The following SCN2A variants were observed in gnomAD, a reference collection of about 807,000 sequenced individuals.
The protein encoded by SCN2A is sodium channel protein type 2 subunit alpha.
Under a neutral mutation model 188.7 loss-of-function variants are expected in SCN2A, and 20 were observed. The ratio of observed to expected loss-of-function variants is 0.11; its 90% confidence interval spans 0.07 to 0.15. The LOEUF (loss-of-function observed/expected upper bound fraction) is 0.15, where lower values mean the gene tolerates loss of function less well. Among genes scored for constraint, SCN2A ranks in the 10% least tolerant of loss-of-function variants. SCN2A has a pLI of 1.00. For missense variants in SCN2A, 1,278 were observed against 2,445.0 expected, an observed-to-expected ratio of 0.52 and a Z score of 10.07; for synonymous variants, 804 against 833.1, an observed-to-expected ratio of 0.97 and a Z score of 0.60.
intron 12 of SCN2A, among the ~76,000 whole-genome samples, chr2:165,326,307 A>T (rs979687408): frequency 3.4e-4 from 52 of 152,196 alleles, no homozygotes; most frequent in African/African-American, 1.3e-3. Flanking sequence ...AAAGTTATAG[A>T]CTAGTTCTAA....
intron 15 of SCN2A, among the ~76,000 whole-genome samples, chr2:165,343,209 C>T (rs148796650): frequency 7.2e-5 from 11 of 152,226 alleles, no homozygotes; most frequent in Non-Finnish European, 1.6e-4. Context: ...ACTAAGGACA[C>T]GTTCCTATAG....
intron 11 of SCN2A, among the ~76,000 whole-genome samples, chr2:165,317,915 G>T (rs1278996869): frequency 6.6e-6 from 1 of 151,926 alleles, no homozygotes; most frequent in Non-Finnish European, 1.5e-5. Flanking sequence ...GAGGGAAAGG[G>T]AAAGAAAGAG....
At chr2:165,320,546 C>T (rs929529487) in intron 11 of SCN2A, among the ~76,000 whole-genome samples, 1 of 152,240 alleles carries the variant, frequency 6.6e-6, no homozygotes, top group African/African-American at 2.4e-5. Flanking sequence ...CTGCAGCAAA[C>T]TTCTGCCTGT....
At chr2:165,277,173 G>A (rs932979607) in intron 1 of SCN2A, among the ~76,000 whole-genome samples, 2 of 151,734 alleles carry the variant, frequency 1.3e-5, no homozygotes, top group Non-Finnish European at 2.9e-5. Flanking sequence ...AAATATTTGG[G>A]GAATTATACA....
intron 25 of SCN2A, among the ~76,000 whole-genome samples, chr2:165,381,412 A>G (rs920297159): frequency 6.6e-6 from 1 of 151,934 alleles, no homozygotes; most frequent in Non-Finnish European, 1.5e-5. Flanking sequence ...ATGTAAACAT[A>G]TAAAATACAT....
intron 17 of SCN2A, among the ~76,000 whole-genome samples, chr2:165,364,829 G>A (rs371981839): frequency 4.6e-5 from 7 of 152,078 alleles, no homozygotes; most frequent in African/African-American, 9.7e-5. Context: ...AAGCAAGATC[G>A]CAGATGATTA....
At chr2:165,266,983 C>T (rs1216998148) in intron 1 of SCN2A, 1 of 151,890 alleles carries the variant, frequency 6.6e-6, no homozygotes, top group Admixed American at 6.6e-5. Context: ...AACTATAAAA[C>T]ATGGATTAAA....
intron 23 of SCN2A, among the ~76,000 whole-genome samples, chr2:165,380,275 G>A (rs2105383928): frequency 6.6e-6 from 1 of 151,882 alleles, no homozygotes; most frequent in Non-Finnish European, 1.5e-5. Flanking sequence ...TGTAAGAAGA[G>A]GAAATCTTTA....
At chr2:165,325,134 G>A (rs999276040) in intron 12 of SCN2A, among the ~76,000 whole-genome samples, 9 of 152,236 alleles carry the variant, frequency 5.9e-5, no homozygotes, top group Admixed American at 1.3e-4. Context: ...GTAAACAAAA[G>A]CAAATCTACA....
intron 3 of SCN2A, among the ~76,000 whole-genome samples, chr2:165,303,682 CTT>C (rs952741882): frequency 2.0e-5 from 3 of 152,064 alleles, no homozygotes; most frequent in African/African-American, 7.2e-5. Flanking sequence ...GATTTAGAAA[CTT>C]AGTGAATTTT....
At chr2:165,341,478 G>T (rs1057048538) in intron 14 of SCN2A, among the ~76,000 whole-genome samples, 3 of 152,208 alleles carry the variant, frequency 2.0e-5, no homozygotes, top group African/African-American at 7.2e-5. Context: ...TAGTAGAAAT[G>T]TTGGTTAATT....
intron 17 of SCN2A, among the ~76,000 whole-genome samples, chr2:165,356,869 AT>A (rs1421646096): frequency 6.6e-6 from 1 of 152,026 alleles, no homozygotes; most frequent in African/African-American, 2.4e-5. Context: ...AAGCTTTTTG[AT>A]TTGTTTTCCC....
intron 16 of SCN2A, among the ~76,000 whole-genome samples, chr2:165,347,584 A>C (rs892361215): frequency 3.9e-5 from 6 of 152,180 alleles, no homozygotes; most frequent in African/African-American, 1.4e-4. Flanking sequence ...CAAAACTTAG[A>C]GTATAATAAT....
intron 3 of SCN2A, among the ~76,000 whole-genome samples, chr2:165,306,913 T>A (rs1393495202): frequency 1.3e-5 from 2 of 152,178 alleles, no homozygotes; most frequent in Non-Finnish European, 2.9e-5. Flanking sequence ...CCACTTTACA[T>A]AATGGCAACT....
intron 17 of SCN2A, among the ~76,000 whole-genome samples, chr2:165,355,197 C>T (rs1700119379): frequency 2.0e-5 from 3 of 152,124 alleles, no homozygotes; most frequent in Non-Finnish European, 4.4e-5. Context: ...TTTATCTTTC[C>T]TGAAGTCAGT....
intron 17 of SCN2A, among the ~76,000 whole-genome samples, chr2:165,359,705 A>C (rs1480540858): frequency 2.0e-5 from 3 of 151,990 alleles, no homozygotes; most frequent in Non-Finnish European, 4.4e-5. Flanking sequence ...TATCCTGGAG[A>C]ATGTGTAGTC....
At chr2:165,372,598 A>T (rs1488438399) in intron 20 of SCN2A, 2 of 152,164 alleles carry the variant, frequency 1.3e-5, no homozygotes, top group Non-Finnish European at 2.9e-5. Context: ...CTGTATGAAT[A>T]ACTAAAGACA....
intron 16 of SCN2A, among the ~76,000 whole-genome samples, chr2:165,353,325 G>A (rs1020541285): frequency 6.6e-6 from 1 of 151,994 alleles, no homozygotes; most frequent in African/African-American, 2.4e-5. Flanking sequence ...ATACGTTTTT[G>A]TCTGATTTGT....
At chr2:165,287,390 A>G (rs1695892226) in intron 1 of SCN2A, among the ~76,000 whole-genome samples, 1 of 152,130 alleles carries the variant, frequency 6.6e-6, no homozygotes, top group Middle Eastern at 3.4e-3. Flanking sequence ...TTACCAGTAG[A>G]GTGTTCCTGA....
Sources: gnomAD v4.1 joint callset for allele counts (sites outside exome capture counted in the v4.1 genomes callset) on GRCh38, gnomAD v4.1.1 for gene constraint, MANE v1.5 for transcripts, NCBI Gene and HGNC (gene_info 2026-07-23, HGNC 2026-07-21) for gene names.